CSMD1: variants seen among roughly 807,000 people sequenced by gnomAD.
The protein encoded by CSMD1 is CUB and sushi domain-containing protein 1.
CSMD1 carries 213 observed loss-of-function variants against 417.5 expected under a neutral mutation model. The observed-to-expected ratio is 0.51, with a 90% CI of 0.46 to 0.57. CSMD1 has a LOEUF of 0.57. Among genes scored for constraint, CSMD1 ranks in the 20% least tolerant of loss-of-function variants. The probability of loss-of-function intolerance (pLI) is 0.00; values close to 1 mark genes in which losing one functional copy is unlikely to be tolerated. For missense variants in CSMD1, 6,923 were observed against 4,529.7 expected (o/e 1.53, Z -15.17); for synonymous variants, 2,862 against 1,736.8 (o/e 1.65, Z -16.11).
intron 1 of CSMD1, among the ~76,000 whole-genome samples, chr8:4,888,798 G>C (rs1443744254): frequency 6.6e-6 from 1 of 152,046 alleles, no homozygotes; most frequent in East Asian, 1.9e-4. Flanking sequence ...CATATCAAAA[G>C]GTCACAAAGG....
At chr8:3,297,553 T>G (rs753022218) in intron 25 of CSMD1, among the ~76,000 whole-genome samples, 45 of 152,178 alleles carry the variant, frequency 3.0e-4, no homozygotes, top group Non-Finnish European at 4.1e-4. Flanking sequence ...TGTACTATAG[T>G]GCAATAAAGA....
intron 20 of CSMD1, among the ~76,000 whole-genome samples, chr8:3,365,654 T>C (rs74548273): frequency 0.03 from 4,591 of 152,306 alleles, 93 homozygotes; most frequent in East Asian, 0.08. Context: ...ACAAAATATA[T>C]GTAGATACTA....
intron 3 of CSMD1, among the ~76,000 whole-genome samples, chr8:4,419,160 G>C (rs924313980): frequency 6.6e-6 from 1 of 152,128 alleles, no homozygotes; most frequent in Non-Finnish European, 1.5e-5. Context: ...AATAGGAATT[G>C]GTTTACACCC....
chr8:3,584,869 T>C (rs1800530997), intron 9 of CSMD1, among the ~76,000 whole-genome samples: 2 of 152,170 alleles, frequency 1.3e-5, no homozygotes, highest in African/African-American at 4.8e-5. Flanking sequence ...TCACCAGCCC[T>C]AGTGGGAACA....
chr8:3,858,892 A>C (rs1196141143), intron 5 of CSMD1, among the ~76,000 whole-genome samples: 2 of 152,120 alleles, frequency 1.3e-5, no homozygotes, highest in African/African-American at 4.8e-5. Context: ...TGACAATGTA[A>C]ATCTATATAT....
chr8:4,139,953 G>T (rs13249181), intron 3 of CSMD1, among the ~76,000 whole-genome samples: 45,169 of 150,644 alleles, frequency 0.3, 8,402 homozygotes, highest in Non-Finnish European at 0.39. Flanking sequence ...TGGCAGCAAG[G>T]GCAGGTGAAA....
In CSMD1 at chr8:4,625,839, T is replaced by C. The variant is rs566815060; in HGVS notation, c.302+11503A>G. Among the ~76,000 whole-genome samples, 14 of 152,242 alleles carry C rather than the reference T, an allele frequency of 9.2e-5. No individual in the cohort carries two copies. In the South Asian group the frequency reaches 1.4e-3, roughly 16 times the overall value. On this transcript the variant is annotated intron_variant, in intron 2 of 69. Coordinates refer to ENST00000635120, the MANE Select transcript of CSMD1 (RefSeq NM_033225.6). ...CCCAAGTTCAAGCTATTCTCATACC[T>C]GAGCCTCCCGAGTAGCAGGGACTAC... is the stretch of plus-strand genomic sequence containing the variant.
At chr8:3,742,665 C>G (rs750771221) in intron 6 of CSMD1, among the ~76,000 whole-genome samples, 3 of 151,940 alleles carry the variant, frequency 2.0e-5, no homozygotes, top group Non-Finnish European at 2.9e-5. Flanking sequence ...TCCCATACAC[C>G]TACACTCAGA....
At chr8:3,891,789 T>C (rs540061742) in intron 5 of CSMD1, among the ~76,000 whole-genome samples, 3 of 152,270 alleles carry the variant, frequency 2.0e-5, no homozygotes, top group East Asian at 3.9e-4. Context: ...TACTATGTGA[T>C]TTAGGCACAT....
At chr8:3,833,988 A>T (rs1802521475) in intron 5 of CSMD1, among the ~76,000 whole-genome samples, 1 of 152,116 alleles carries the variant, frequency 6.6e-6, no homozygotes, top group Non-Finnish European at 1.5e-5. Context: ...CGGTTTGAAC[A>T]CCACTTTTCA....
Position 3,866,495 on chromosome 8 carries a change from G to A in CSMD1, c.819-112453C>T, listed in dbSNP as rs541113967. 2.7e-4 allele frequency among the ~76,000 whole-genome samples: 41 copies of A among 152,208 alleles called. 1 individual carries two copies. Among genetic ancestry groups the A allele is most frequent in the Admixed American group, 2.1e-3 (32 of 15,290 alleles). ...TAATATTTTACACATTTCCTGTTGG[G>A]TGCCTGACGTGGTAAAGCATCATGA... On this transcript the variant is annotated intron_variant, in intron 5 of 69. Coordinates refer to ENST00000635120, the MANE Select transcript of CSMD1 (RefSeq NM_033225.6).
At chr8:3,774,957 C>T (rs747808732) in intron 5 of CSMD1, among the ~76,000 whole-genome samples, 15 of 152,042 alleles carry the variant, frequency 9.9e-5, no homozygotes, top group African/African-American at 2.2e-4. Context: ...AAACAGGTAG[C>T]ATATACACAG....
chr8:4,649,903 G>A (rs1197139137), intron 1 of CSMD1, among the ~76,000 whole-genome samples: 6 of 152,102 alleles, frequency 3.9e-5, no homozygotes, highest in Non-Finnish European at 8.8e-5. Flanking sequence ...TATGACTGGG[G>A]GCACCATGTG....
At chr8:3,442,694 T>C (rs1815062341) in intron 12 of CSMD1, among the ~76,000 whole-genome samples, 1 of 152,232 alleles carries the variant, frequency 6.6e-6, no homozygotes, top group Admixed American at 6.5e-5. Flanking sequence ...AACGTATCCC[T>C]GTTGTTGTTA....
At position 2,962,651 on chromosome 8, in the gene CSMD1, A is replaced by C; in HGVS notation, c.9455-12T>G. On this transcript the variant is annotated splice_polypyrimidine_tract_variant and intron_variant, in intron 60 of 69. Coordinates refer to ENST00000635120, the MANE Select transcript of CSMD1 (RefSeq NM_033225.6). Reference sequence around the variant, plus strand: ...TCCGCAGAACACAGCTATGGAAGATAACCAGGAAGAAGTCAGCCTTCAACG... The same window carrying C: ...TCCGCAGAACACAGCTATGGAAGATCACCAGGAAGAAGTCAGCCTTCAACG... 9.9e-6 allele frequency: 16 copies of C among 1,611,212 alleles called. No individual in the cohort carries two copies. Among genetic ancestry groups the C allele is most frequent in the Non-Finnish European group, 1.3e-5 (15 of 1,178,222 alleles).
At chr8:4,069,203 G>C (rs570243997) in intron 3 of CSMD1, among the ~76,000 whole-genome samples, 11 of 152,166 alleles carry the variant, frequency 7.2e-5, no homozygotes, top group Middle Eastern at 6.8e-3. Context: ...CTCTGATTGA[G>C]GCGTGAATGT....
intron 6 of CSMD1, among the ~76,000 whole-genome samples, chr8:3,729,890 A>T (rs938853580): frequency 6.8e-6 from 1 of 148,090 alleles, no homozygotes; most frequent in South Asian, 2.1e-4. Context: ...GTACTCCCCA[A>T]ATCTACAGAA....
intron 5 of CSMD1, among the ~76,000 whole-genome samples, chr8:3,996,124 T>G (rs2130324459): frequency 6.6e-6 from 1 of 152,292 alleles, no homozygotes; most frequent in Non-Finnish European, 1.5e-5. Context: ...ACTAAGTTTC[T>G]TTGGCAAAAG....
chr8:4,870,642 C>T lies in CSMD1; in HGVS notation c.85+123690G>A, dbSNP rs926188962. ...TAGGAGGTAAAATCCCAGCGCACCA[C>T]GAGTGAGGGAATGGAGAAACAGAGT... On this transcript the variant is annotated intron_variant, in intron 1 of 69. Coordinates refer to ENST00000635120, the MANE Select transcript of CSMD1 (RefSeq NM_033225.6). Among the ~76,000 whole-genome samples, 5 of 152,080 alleles carry T rather than the reference C, an allele frequency of 3.3e-5. No homozygotes were observed. In the East Asian group the frequency reaches 5.8e-4, roughly 18 times the overall value.
Sources: gnomAD v4.1 joint callset for allele counts (sites outside exome capture counted in the v4.1 genomes callset) on GRCh38, gnomAD v4.1.1 for gene constraint, MANE v1.5 for transcripts, NCBI Gene and HGNC (gene_info 2026-07-23, HGNC 2026-07-21) for gene names.